The following CCSER1 variants were observed in gnomAD, a reference collection of about 807,000 sequenced individuals.
The protein encoded by CCSER1 is serine-rich coiled-coil domain-containing protein 1.
In CCSER1, 41 loss-of-function variants were observed where a neutral mutation model predicts 82.0. The observed-to-expected ratio is 0.50, with a 90% CI of 0.39 to 0.65. The LOEUF is 0.65. Ranked by LOEUF, CCSER1 falls within the 30% of genes least tolerant of loss-of-function variation. The pLI, the probability that CCSER1 is intolerant of heterozygous loss-of-function variation, is 0.00. For missense variants in CCSER1, 1,119 were observed against 1,064.2 expected, an observed-to-expected ratio of 1.05 and a Z score of -0.72; for synonymous variants, 414 against 383.9, an observed-to-expected ratio of 1.08 and a Z score of -0.92.
intron 10 of CCSER1, among the ~76,000 whole-genome samples, chr4:91,283,655 T>C (rs1350883486): frequency 6.6e-6 from 1 of 152,080 alleles, no homozygotes; most frequent in East Asian, 1.9e-4. Flanking sequence ...TATATTTGTC[T>C]GCCAAAAATA....
intron 10 of CCSER1, among the ~76,000 whole-genome samples, chr4:91,300,682 C>T (rs1744597806): frequency 6.6e-6 from 1 of 151,432 alleles, no homozygotes; most frequent in Admixed American, 6.6e-5. Flanking sequence ...AAGATTTTAA[C>T]TAAGTACTGC....
intron 5 of CCSER1, among the ~76,000 whole-genome samples, chr4:90,505,321 G>A (rs778836358): frequency 6.6e-5 from 10 of 152,166 alleles, no homozygotes; most frequent in East Asian, 1.9e-4. Flanking sequence ...AAGCCTTACG[G>A]CCACTTCCCC....
In CCSER1 at chr4:91,268,145, ATGTT is replaced by A. The variant is rs1320032759; in HGVS notation, c.2217+182156_2217+182159del. ...AATCATACCAAAATTTGTACTGAGAATGTTTGTTAAAATTTGCATGGTAAATTTC... is the reference window on the plus strand; with the variant it reads ...AATCATACCAAAATTTGTACTGAGAATGTTAAAATTTGCATGGTAAATTTC... On this transcript the variant is annotated intron_variant, in intron 10 of 10. Transcript: ENST00000509176. 2.0e-4 allele frequency among the ~76,000 whole-genome samples: 30 copies of A among 152,204 alleles called. 1 individual carries two copies. The highest frequency in any genetic ancestry group is 1.3e-3 in the Admixed American group (20 of 15,280).
At chr4:91,375,223 G>A (rs1750322218) in intron 10 of CCSER1, among the ~76,000 whole-genome samples, 1 of 152,160 alleles carries the variant, frequency 6.6e-6, no homozygotes, top group South Asian at 2.1e-4. Flanking sequence ...CAAAAGTTCA[G>A]GGGAGGAAGT....
chr4:91,297,379 GTGTGTA>G (rs1327435173), intron 10 of CCSER1, among the ~76,000 whole-genome samples: 2,498 of 98,502 alleles, frequency 0.025, 43 homozygotes, highest in African/African-American at 0.071. Context: ...GTGTGTGTGT[GTGTGTA>G]TGTGTGTGTG....
In CCSER1 at chr4:91,191,263, T is replaced by G. The variant is rs748992348; in HGVS notation, c.2217+105269T>G. Among the ~76,000 whole-genome samples, 15 of 152,294 alleles carry G rather than the reference T, an allele frequency of 9.8e-5. No individual in the cohort carries two copies. In the South Asian group the frequency reaches 1.2e-3, roughly 13 times the overall value. On this transcript the variant is annotated intron_variant, in intron 10 of 10. Transcript: ENST00000509176. ...CATAGGCCCAGTGTCATTAACTATCTGCTATTTCTGTTGTATCTTCAATTT... is the reference window on the plus strand; with the variant it reads ...CATAGGCCCAGTGTCATTAACTATCGGCTATTTCTGTTGTATCTTCAATTT...
chr4:90,273,271 A>T (rs1726927160), intron 1 of CCSER1, among the ~76,000 whole-genome samples: 1 of 152,110 alleles, frequency 6.6e-6, no homozygotes, highest in African/African-American at 2.4e-5. Context: ...ACAGAAAAGT[A>T]GAATGAATGA....
intron 6 of CCSER1, chr4:90,693,627 T>C (rs2149245833): frequency 6.6e-6 from 1 of 152,116 alleles, no homozygotes; most frequent in Non-Finnish European, 1.5e-5. Context: ...TCATGTATTA[T>C]GTGGTAGTCA....
In CCSER1 at chr4:91,244,333, G is replaced by A. The variant is rs115281578; in HGVS notation, c.2217+158339G>A. On this transcript the variant is annotated intron_variant, in intron 10 of 10. Transcript: ENST00000509176. ...ATCTCTGGACATGCTCCAAGCCTGG[G>A]GGAACTTACTACCTTGAAGGGAAGG... Among the ~76,000 whole-genome samples, 889 of 152,260 alleles carry A rather than the reference G, an allele frequency of 5.8e-3. 3 individuals are homozygous for A. The highest frequency in any genetic ancestry group is 0.02 in the African/African-American group (849 of 41,552).
chr4:91,049,758 T>G (rs1742834383), intron 9 of CCSER1, among the ~76,000 whole-genome samples: 1 of 152,230 alleles, frequency 6.6e-6, no homozygotes, highest in African/African-American at 2.4e-5. Flanking sequence ...GGTAGATGAT[T>G]AACAAGTATC....
chr4:90,924,713 TTTTGTTGTTGTTGTTTG>T (rs1728832435), intron 9 of CCSER1, among the ~76,000 whole-genome samples: 1 of 152,108 alleles, frequency 6.6e-6, no homozygotes, highest in South Asian at 2.1e-4. Context: ...AAACTTGGTT[TTTTGTTGTTGTTGTTTG>T]TTTGTTTGTT....
chr4:91,478,040 C>A (rs1560702979), intron 10 of CCSER1, among the ~76,000 whole-genome samples: 1 of 151,660 alleles, frequency 6.6e-6, no homozygotes, highest in Admixed American at 6.6e-5. Context: ...TGGCAAATAC[C>A]CAAATCATAT....
rs770013398 is a variant in CCSER1, at chr4:91,411,491, CATATATATAT to C, written c.2218-187055_2218-187046del. On this transcript the variant is annotated intron_variant, in intron 10 of 10. Coordinates refer to ENST00000509176, the MANE Select transcript of CCSER1 (RefSeq NM_001145065.2). ...TAATCACTAAATTTCTGCATATATACATATATATATATATATATATATATATATATATATA... is the reference window on the plus strand; with the variant it reads ...TAATCACTAAATTTCTGCATATATACATATATATATATATATATATATATA... 1.1e-3 allele frequency among the ~76,000 whole-genome samples: 59 copies of C among 53,792 alleles called. 5 individuals carry two copies. The highest frequency in any genetic ancestry group is 2.8e-3 in the East Asian group (2 of 712). The allele number at this position is 53,792 out of a possible 152,430, so 35.3% of individuals were successfully genotyped here.
At chr4:91,044,795 ATAATAAGT>A (rs2150585981) in intron 9 of CCSER1, among the ~76,000 whole-genome samples, 1 of 152,312 alleles carries the variant, frequency 6.6e-6, no homozygotes, top group South Asian at 2.1e-4. Context: ...CACCTGAGAC[ATAATAAGT>A]AATCAAGAAG....
At chr4:90,242,701 C>A (rs918816616) in intron 1 of CCSER1, among the ~76,000 whole-genome samples, 1 of 152,070 alleles carries the variant, frequency 6.6e-6, no homozygotes, top group Non-Finnish European at 1.5e-5. Context: ...TTATAGAGCA[C>A]GTTTATTGAG....
intron 8 of CCSER1, among the ~76,000 whole-genome samples, chr4:90,907,576 A>G (rs1725689740): frequency 6.6e-6 from 1 of 152,146 alleles, no homozygotes. Context: ...TTCAGGCAAT[A>G]GTGAAAATGG....
chr4:91,030,635 A>G (rs949057869), intron 9 of CCSER1, among the ~76,000 whole-genome samples: 4 of 152,124 alleles, frequency 2.6e-5, no homozygotes, highest in African/African-American at 7.2e-5. Flanking sequence ...AACTAAAACT[A>G]AGAAGAATTT....
intron 10 of CCSER1, among the ~76,000 whole-genome samples, chr4:91,527,804 G>T (rs865821927): frequency 7.2e-5 from 11 of 152,248 alleles, no homozygotes; most frequent in Non-Finnish European, 1.2e-4. Flanking sequence ...AATACTGCAG[G>T]TAATACAAGA....
chr4:90,651,361 A>G (rs1359244498), intron 6 of CCSER1, among the ~76,000 whole-genome samples: 1 of 152,156 alleles, frequency 6.6e-6, no homozygotes, highest in Non-Finnish European at 1.5e-5. Flanking sequence ...TGCAGCCATA[A>G]AAAAGGGTAA....
Sources: gnomAD v4.1 joint callset for allele counts (sites outside exome capture counted in the v4.1 genomes callset) on GRCh38, gnomAD v4.1.1 for gene constraint, MANE v1.5 for transcripts, NCBI Gene and HGNC (gene_info 2026-07-23, HGNC 2026-07-21) for gene names.